The following FBXL7 variants were observed in gnomAD, a reference collection of about 807,000 sequenced individuals.
The protein encoded by FBXL7 is F-box and leucine rich repeat protein 7.
Under a neutral mutation model 38.3 loss-of-function variants are expected in FBXL7, and 12 were observed. That is an observed-to-expected ratio of 0.31 (90% confidence interval 0.20 to 0.51). The LOEUF (loss-of-function observed/expected upper bound fraction) is 0.51, where lower values mean the gene tolerates loss of function less well. Ranked by LOEUF, FBXL7 falls within the 20% of genes least tolerant of loss-of-function variation. The pLI, the probability that FBXL7 is intolerant of heterozygous loss-of-function variation, is 0.98. For synonymous variants in FBXL7, 297 were observed against 300.9 expected (o/e 0.99, Z 0.13); for missense variants, 567 against 676.4 (o/e 0.84, Z 1.79).
Position 15,928,175 on chromosome 5 carries a change from C to G in FBXL7, c.413C>G (p.Ala138Gly), listed in dbSNP as rs750434605. 6.2e-7 allele frequency: 1 copy of G among 1,609,656 alleles called. No homozygotes were observed. The highest frequency in any genetic ancestry group is 1.3e-5 in the African/African-American group (1 of 74,802). ...CCCACCAACCAGCTGTGCCGCTGCG[C>G]GCGAGTGTGCCGCCGCTGGTACAAC... ...FLPTNQLCRC[A>G]RVCRRWYNLA... The change falls in exon 3 of 4, where the codon GCG (alanine) becomes GGG (glycine). Residue 138 changes from alanine to glycine, a missense_variant. Transcript: ENST00000504595. This position sits in a 1 kb window ranked among gnomAD's most constrained non-coding sequence, Gnocchi z 4.0.
intron 2 of FBXL7, among the ~76,000 whole-genome samples, chr5:15,808,545 C>G (rs1009077788): frequency 6.6e-6 from 1 of 152,124 alleles, no homozygotes; most frequent in East Asian, 1.9e-4. Context: ...TTTTTGAGTA[C>G]CTAGTAGAGT....
chr5:15,692,682 G>A (rs947582268), intron 2 of FBXL7, among the ~76,000 whole-genome samples: 4 of 152,150 alleles, frequency 2.6e-5, no homozygotes, highest in African/African-American at 4.8e-5. Flanking sequence ...TCCAAAGATC[G>A]TGCAAATGAT....
At chr5:15,924,056 A>G (rs1741816097) in intron 2 of FBXL7, among the ~76,000 whole-genome samples, 1 of 152,136 alleles carries the variant, frequency 6.6e-6, no homozygotes, top group Non-Finnish European at 1.5e-5. Flanking sequence ...TGCCTCCAAG[A>G]AACACTGGTT....
At chr5:15,820,383 A>C (rs986622934) in intron 2 of FBXL7, among the ~76,000 whole-genome samples, 1 of 151,940 alleles carries the variant, frequency 6.6e-6, no homozygotes, top group African/African-American at 2.4e-5. Flanking sequence ...CCTCTCTCCC[A>C]AGAGGGCTCT....
At chr5:15,689,155 G>T (rs1743103467) in intron 2 of FBXL7, among the ~76,000 whole-genome samples, 1 of 152,178 alleles carries the variant, frequency 6.6e-6, no homozygotes, top group Non-Finnish European at 1.5e-5. Context: ...TGCTTGCTGA[G>T]CTGGCCTGCA....
chr5:15,814,230 T>C (rs975237341), intron 2 of FBXL7, among the ~76,000 whole-genome samples: 3 of 152,090 alleles, frequency 2.0e-5, no homozygotes, highest in African/African-American at 7.2e-5. Flanking sequence ...ATATACACCA[T>C]GGAATACTAT....
At chr5:15,659,145 A>T (rs1323052847) in intron 2 of FBXL7, among the ~76,000 whole-genome samples, 1 of 152,200 alleles carries the variant, frequency 6.6e-6, no homozygotes, top group Non-Finnish European at 1.5e-5. Flanking sequence ...ACGGACTGAT[A>T]CACTGAGTTA....
chr5:15,650,161 T>C (rs1213364636), intron 2 of FBXL7, among the ~76,000 whole-genome samples: 1 of 152,162 alleles, frequency 6.6e-6, no homozygotes, highest in Non-Finnish European at 1.5e-5. Flanking sequence ...TCACGCACAA[T>C]TGTATGAGCT....
chr5:15,536,194 C>CTGT (rs1331849715), intron 1 of FBXL7, among the ~76,000 whole-genome samples: 5 of 152,260 alleles, frequency 3.3e-5, no homozygotes, highest in African/African-American at 1.2e-4. Context: ...CAGAAGTCTG[C>CTGT]TGTGGAGCCC....
At chr5:15,774,706 A>G (rs1736816225) in intron 2 of FBXL7, among the ~76,000 whole-genome samples, 2 of 152,224 alleles carry the variant, frequency 1.3e-5, no homozygotes, top group South Asian at 4.1e-4. Context: ...TAAAACAATA[A>G]TAGTTTAATA....
rs555723298 is a variant in FBXL7, at chr5:15,514,612, T to C, written c.37+13899T>C. ...TTGATTTTCTTAGTCTAGCTGTGTT[T>C]CATTGTAATCCATTTCTCTCTTCCC... is the stretch of plus-strand genomic sequence containing the variant. On this transcript the variant is annotated intron_variant, in intron 1 of 3. Coordinates refer to ENST00000504595, the MANE Select transcript of FBXL7 (RefSeq NM_012304.5). Among the ~76,000 whole-genome samples the C allele has an allele frequency of 2.0e-5, 3 of 152,332 alleles. No homozygotes were observed. The East Asian group carries it at 5.8e-4, about 29-fold the overall frequency.
intron 2 of FBXL7, among the ~76,000 whole-genome samples, chr5:15,693,724 G>A (rs1436447612): frequency 6.6e-6 from 1 of 152,188 alleles, no homozygotes; most frequent in Non-Finnish European, 1.5e-5. Context: ...ACAGATGCTG[G>A]AAGGCCATCA....
chr5:15,776,949 A>G (rs542509592), intron 2 of FBXL7, among the ~76,000 whole-genome samples: 48 of 152,236 alleles, frequency 3.2e-4, no homozygotes, highest in African/African-American at 1.0e-3. Flanking sequence ...TTACATATGT[A>G]TCTTAATATC....
At chr5:15,599,506 G>A (rs1193847745) in intron 1 of FBXL7, among the ~76,000 whole-genome samples, 1 of 152,146 alleles carries the variant, frequency 6.6e-6, no homozygotes, top group African/African-American at 2.4e-5. Context: ...TTGGATCATG[G>A]TTTGGGATTG....
Position 15,505,470 on chromosome 5 carries a change from A to G in FBXL7, c.37+4757A>G, listed in dbSNP as rs80049297. 2.3e-3 allele frequency among the ~76,000 whole-genome samples: 353 copies of G among 152,270 alleles called. 2 individuals are homozygous for G. The highest frequency in any genetic ancestry group is 7.6e-3 in the African/African-American group (316 of 41,548). ...GGCCCAGGACTCATAGATTCTTAGG[A>G]TAAGTCAGTAAACAGATGAAGGTCC... On this transcript the variant is annotated intron_variant, in intron 1 of 3. Transcript: ENST00000504595.
At chr5:15,903,161 A>C (rs1741272679) in intron 2 of FBXL7, among the ~76,000 whole-genome samples, 2 of 152,356 alleles carry the variant, frequency 1.3e-5, no homozygotes, top group South Asian at 4.1e-4. Flanking sequence ...TTCAGGAGCA[A>C]TCGAGTAGAG....
At position 15,776,014 on chromosome 5, in the gene FBXL7, C is replaced by T. The variant is rs369785203; in HGVS notation, c.128-151876C>T. Among the ~76,000 whole-genome samples, 5 of 152,004 alleles carry T rather than the reference C, an allele frequency of 3.3e-5. No homozygotes were observed. In the East Asian group the frequency reaches 7.7e-4, roughly 23 times the overall value. On this transcript the variant is annotated intron_variant, in intron 2 of 3. Transcript: ENST00000504595. ...AATTCTCAAGATTAAGAACAGATAG[C>T]GGCAACATGTCATGAGTTTCATTAA...
chr5:15,718,233 A>G (rs370906577), intron 2 of FBXL7, among the ~76,000 whole-genome samples: 1 of 152,252 alleles, frequency 6.6e-6, no homozygotes, highest in African/African-American at 2.4e-5. Flanking sequence ...CAATTGGTAA[A>G]TCTTGATATA....
chr5:15,702,352 A>G (rs1361159199), intron 2 of FBXL7, among the ~76,000 whole-genome samples: 2 of 152,212 alleles, frequency 1.3e-5, no homozygotes, highest in African/African-American at 4.8e-5. Flanking sequence ...TTGGTTTGCA[A>G]AGACCCAATG....
Sources: allele counts gnomAD v4.1 joint callset (sites outside exome capture counted in the v4.1 genomes callset), GRCh38; gene constraint gnomAD v4.1.1; non-coding constraint Gnocchi (gnomAD v3.1); transcripts MANE v1.5; gene names NCBI Gene and HGNC (gene_info 2026-07-23, HGNC 2026-07-21).